DLG2: variants seen among roughly 807,000 people sequenced by gnomAD.
The protein encoded by DLG2 is discs large MAGUK scaffold protein 2.
Under a neutral mutation model 132.5 loss-of-function variants are expected in DLG2, and 45 were observed. The ratio of observed to expected loss-of-function variants is 0.34; its 90% CI spans 0.27 to 0.44. The LOEUF is 0.44. Among genes scored for constraint, DLG2 ranks in the 20% least tolerant of loss-of-function variants. The pLI, the probability that DLG2 is intolerant of heterozygous loss-of-function variation, is 1.00. For synonymous variants in DLG2, 424 were observed against 419.6 expected, an observed-to-expected ratio of 1.01 and a Z score of -0.13; for missense variants, 1,045 against 1,196.9, an observed-to-expected ratio of 0.87 and a Z score of 1.87.
chr11:84,102,287 T>G (rs2092594761), intron 9 of DLG2, among the ~76,000 whole-genome samples: 1 of 152,166 alleles, frequency 6.6e-6, no homozygotes, highest in Non-Finnish European at 1.5e-5. Flanking sequence ...AGGCAGGAAC[T>G]GTGTAGTATT....
chr11:85,585,379 T>C (rs1037194744), intron 3 of DLG2, among the ~76,000 whole-genome samples: 1 of 152,108 alleles, frequency 6.6e-6, no homozygotes, highest in Non-Finnish European at 1.5e-5. Flanking sequence ...TACCTAACTT[T>C]TTAATTCCAA....
chr11:84,317,185 A>T (rs1456258939), intron 7 of DLG2: 1 of 1,569,020 alleles, frequency 6.4e-7, no homozygotes, highest in Admixed American at 1.8e-5. Flanking sequence ...TCAGCTCTGC[A>T]CAGAAATGTC....
At chr11:84,807,082 A>C (rs1365671177) in intron 6 of DLG2, among the ~76,000 whole-genome samples, 1 of 152,194 alleles carries the variant, frequency 6.6e-6, no homozygotes, top group Non-Finnish European at 1.5e-5. Flanking sequence ...AAATTGTTCA[A>C]GTAACCCACT....
At chr11:83,519,662 G>A (rs190869349) in intron 21 of DLG2, among the ~76,000 whole-genome samples, 1 of 152,128 alleles carries the variant, frequency 6.6e-6, no homozygotes, top group Non-Finnish European at 1.5e-5. Context: ...AACATCAATT[G>A]TATTGTTATC....
intron 3 of DLG2, among the ~76,000 whole-genome samples, chr11:85,440,555 T>C (rs1186857154): frequency 3.3e-5 from 5 of 152,210 alleles, no homozygotes; most frequent in African/African-American, 1.2e-4. Flanking sequence ...CACCAAAGTA[T>C]ACTTTAATAG....
chr11:84,549,368 C>T (rs1376906556), intron 6 of DLG2, among the ~76,000 whole-genome samples: 2 of 152,220 alleles, frequency 1.3e-5, no homozygotes, highest in Non-Finnish European at 2.9e-5. Context: ...CAGTCCCTGT[C>T]TGACTAATCC....
chr11:85,034,238 C>T (rs981936804), intron 6 of DLG2, among the ~76,000 whole-genome samples: 13 of 151,866 alleles, frequency 8.6e-5, no homozygotes, highest in Non-Finnish European at 1.9e-4. Flanking sequence ...CCACCATGCC[C>T]GGCTAATTTT....
intron 6 of DLG2, among the ~76,000 whole-genome samples, chr11:84,627,910 G>A (rs1294712286): frequency 6.6e-6 from 1 of 152,028 alleles, no homozygotes; most frequent in Non-Finnish European, 1.5e-5. Context: ...CAAGCCATGA[G>A]AATGCAACAC....
intron 6 of DLG2, among the ~76,000 whole-genome samples, chr11:84,877,469 G>A (rs140206444): frequency 7.0e-6 from 1 of 143,428 alleles, no homozygotes; most frequent in Non-Finnish European, 1.5e-5. Flanking sequence ...GATATTTGTT[G>A]GTTTAAAGTC....
At position 85,553,932 on chromosome 11, in the gene DLG2, T is replaced by C. The variant is rs147487783; in HGVS notation, c.40+44725A>G. ...ATATTCATAGTTTAAGTTTCCATTT[T>C]ATATGGATATACAGAATATTTAGAA... is the stretch of plus-strand genomic sequence containing the variant. On this transcript the variant is annotated intron_variant, in intron 3 of 27. Coordinates refer to ENST00000376104, the MANE Select transcript of DLG2 (RefSeq NM_001142699.3). Among the ~76,000 whole-genome samples the C allele has an allele frequency of 1.3e-3, 202 of 151,476 alleles. 3 individuals are homozygous for C. In the East Asian group the frequency reaches 0.037, roughly 28 times the overall value.
At chr11:84,800,732 T>C (rs2075264544) in intron 6 of DLG2, 1 of 152,220 alleles carries the variant, frequency 6.6e-6, no homozygotes, top group African/African-American at 2.4e-5. Flanking sequence ...TTTCCTTCTC[T>C]TTTCTCTAGT....
In DLG2 at chr11:84,748,407, G is replaced by A. The variant is rs569520614; in HGVS notation, c.358-213676C>T. Among the ~76,000 whole-genome samples, 4 of 152,210 alleles carry A rather than the reference G, an allele frequency of 2.6e-5. 1 individual carries two copies. In the South Asian group the frequency reaches 8.3e-4, roughly 32 times the overall value. On this transcript the variant is annotated intron_variant, in intron 6 of 27. Transcript: ENST00000376104. ...ACTACATAATGAGAAGTTGAAAATGGTAAGGTGATAACATTTTCATTTGCA... is the reference window on the plus strand; with the variant it reads ...ACTACATAATGAGAAGTTGAAAATGATAAGGTGATAACATTTTCATTTGCA...
chr11:84,983,035 T>C (rs1411416639), intron 6 of DLG2, among the ~76,000 whole-genome samples: 1 of 152,192 alleles, frequency 6.6e-6, no homozygotes, highest in Admixed American at 6.5e-5. Flanking sequence ...TCCACCCTCA[T>C]CCTTTTTATT....
rs1172850608 is a variant in DLG2 at position 83,669,957 on chromosome 11, GA to G, written c.1826-36633del. 2.6e-5 allele frequency among the ~76,000 whole-genome samples: 4 copies of G among 152,342 alleles called. No homozygotes were observed. The East Asian group carries it at 7.7e-4, about 29-fold the overall frequency. On this transcript the variant is annotated intron_variant, in intron 18 of 27. Transcript: ENST00000376104. Reference sequence around the variant, plus strand: ...AAAACCAAATCTTGACCCAAATGGTGAAAAGATGATTATCTGAAAATAATTT... The same window carrying G: ...AAAACCAAATCTTGACCCAAATGGTGAAAGATGATTATCTGAAAATAATTT...
At chr11:85,494,152 T>C (rs1052507281) in intron 3 of DLG2, among the ~76,000 whole-genome samples, 3 of 152,218 alleles carry the variant, frequency 2.0e-5, no homozygotes, top group Non-Finnish European at 4.4e-5. Context: ...ACATCTTTAA[T>C]ACTGTTGCAT....
At chr11:85,210,537 T>C (rs1252208570) in intron 4 of DLG2, among the ~76,000 whole-genome samples, 1 of 152,176 alleles carries the variant, frequency 6.6e-6, no homozygotes, top group Non-Finnish European at 1.5e-5. Flanking sequence ...ACTTTTCTTA[T>C]ACTTTTTTTT....
chr11:85,575,883 T>C (rs577350595), intron 3 of DLG2, among the ~76,000 whole-genome samples: 136 of 152,302 alleles, frequency 8.9e-4, no homozygotes, highest in African/African-American at 3.1e-3. Flanking sequence ...GGAATATCTG[T>C]CTGACTTTAA....
chr11:84,519,081 G>T (rs2099284498), intron 7 of DLG2, among the ~76,000 whole-genome samples: 1 of 152,136 alleles, frequency 6.6e-6, no homozygotes, highest in African/African-American at 2.4e-5. Flanking sequence ...CCCTGGAGCA[G>T]AAAGTGAAAT....
At chr11:84,499,586 C>T (rs1003775127) in intron 7 of DLG2, among the ~76,000 whole-genome samples, 2 of 152,116 alleles carry the variant, frequency 1.3e-5, no homozygotes, top group South Asian at 4.1e-4. Context: ...GCTTTACTGG[C>T]TCAAATATAA....
Sources: allele counts gnomAD v4.1 joint callset (sites outside exome capture counted in the v4.1 genomes callset), GRCh38; gene constraint gnomAD v4.1.1; transcripts MANE v1.5; gene names NCBI Gene and HGNC (gene_info 2026-07-23, HGNC 2026-07-21).